Variants in SLC39A11 observed in about 807,000 individuals in gnomAD.
SLC39A11 encodes zinc transporter ZIP11.
In SLC39A11, 33 loss-of-function variants were observed where a neutral mutation model predicts 36.1. The observed-to-expected ratio is 0.91, with a 90% CI of 0.69 to 1.22. SLC39A11 has a LOEUF of 1.22. SLC39A11 is among the 50% of genes most tolerant of loss of function. The pLI is 0.00. For synonymous variants in SLC39A11, 166 were observed against 170.3 expected, an observed-to-expected ratio of 0.97 and a Z score of 0.20; for missense variants, 432 against 430.3, an observed-to-expected ratio of 1.00 and a Z score of -0.03.
At chr17:73,084,771 G>A (rs373461099) in intron 3 of SLC39A11, 37 bp downstream of exon 3, 3 of 1,610,224 alleles carry the variant, frequency 1.9e-6, no homozygotes, top group African/African-American at 2.7e-5. Flanking sequence ...GAATCAGTAT[G>A]CCTCAATTTC....
chr17:72,965,718 G>C (rs954317175), intron 4 of SLC39A11, among the ~76,000 whole-genome samples: 1 of 152,276 alleles, frequency 6.6e-6, no homozygotes. Context: ...AAGGAAGGAG[G>C]TGAGGCTTAA....
intron 6 of SLC39A11, among the ~76,000 whole-genome samples, chr17:72,835,077 G>A (rs1264803787): frequency 6.6e-6 from 1 of 152,228 alleles, no homozygotes; most frequent in African/African-American, 2.4e-5. Flanking sequence ...ATCCAACAGC[G>A]TCATTTAGAA....
intron 7 of SLC39A11, among the ~76,000 whole-genome samples, chr17:72,712,521 C>T (rs1189276831): frequency 1.3e-5 from 2 of 152,166 alleles, no homozygotes; most frequent in Admixed American, 6.5e-5. Flanking sequence ...GGAGAGAACA[C>T]TTGCAGGATG....
intron 7 of SLC39A11, among the ~76,000 whole-genome samples, chr17:72,696,954 G>A (rs1314283440): frequency 6.6e-6 from 1 of 152,190 alleles, no homozygotes. Context: ...GCCCGAGACT[G>A]CTGATTATGT....
chr17:72,909,369 C>T (rs950816007), intron 5 of SLC39A11, among the ~76,000 whole-genome samples: 1 of 152,334 alleles, frequency 6.6e-6, no homozygotes, highest in East Asian at 1.9e-4. Context: ...GGGTCTTGCA[C>T]TTCAGAAACA....
intron 6 of SLC39A11, among the ~76,000 whole-genome samples, chr17:72,787,069 C>T (rs1185870973): frequency 1.3e-5 from 2 of 152,082 alleles, no homozygotes; most frequent in African/African-American, 4.8e-5. Flanking sequence ...ATCTGCCCTC[C>T]TCAGCCTCCC....
chr17:72,656,343 G>A (rs1048962400), intron 7 of SLC39A11, among the ~76,000 whole-genome samples: 4 of 152,060 alleles, frequency 2.6e-5, no homozygotes, highest in Non-Finnish European at 4.4e-5. Flanking sequence ...AAAAGAAACC[G>A]CAGGCTGTCC....
chr17:72,842,078 ATGTGTG>A (rs61185081), intron 6 of SLC39A11, among the ~76,000 whole-genome samples: 4 of 148,782 alleles, frequency 2.7e-5, no homozygotes, highest in Admixed American at 6.7e-5. Context: ...TCAAAAAACT[ATGTGTG>A]TGTGTGTGTG....
chr17:72,821,421 G>A (rs769301838), intron 6 of SLC39A11, among the ~76,000 whole-genome samples: 3 of 142,264 alleles, frequency 2.1e-5, no homozygotes, highest in Admixed American at 1.5e-4. Flanking sequence ...CACAAGAACC[G>A]ATTGAACTCA....
intron 4 of SLC39A11, among the ~76,000 whole-genome samples, chr17:73,026,599 A>G (rs2058566219): frequency 6.6e-6 from 1 of 151,988 alleles, no homozygotes; most frequent in Admixed American, 6.6e-5. Flanking sequence ...TACCCGCTAA[A>G]CTGGTAACAA....
rs1194527707 is a variant in SLC39A11 at position 72,922,990 on chromosome 17, A to C, written c.430+24762T>G. The stretch of plus-strand genomic sequence containing the variant: ...AAAAAAAAAAAAAAAAAAAAAAAAA[A>C]CACACAGAAAATACGAAACCCCCTC... On this transcript the variant is annotated intron_variant, in intron 5 of 9. Coordinates refer to ENST00000255559, the MANE Select transcript of SLC39A11 (RefSeq NM_139177.4). 3.6e-4 allele frequency among the ~76,000 whole-genome samples: 42 copies of C among 117,438 alleles called. 1 individual carries two copies. The highest frequency in any genetic ancestry group is 1.1e-3 in the African/African-American group (39 of 34,762). 77.0% of individuals were successfully genotyped at this position (117,438 alleles called of 152,430 possible).
intron 4 of SLC39A11, among the ~76,000 whole-genome samples, chr17:73,027,197 C>A (rs928119809): frequency 2.6e-5 from 4 of 152,220 alleles, no homozygotes; most frequent in Non-Finnish European, 2.9e-5. Flanking sequence ...AGAAGCACAA[C>A]TGCAAAATCA....
Position 73,007,570 on chromosome 17 carries a change from G to A in SLC39A11, c.306+23986C>T, listed in dbSNP as rs562954888. ...GTGGTTCCTGGCAGAGGGAGAACAC[G>A]AGAAAAGGCTCAAAAAGACAAACAG... On this transcript the variant is annotated intron_variant, in intron 4 of 9. Transcript: ENST00000255559. Among the ~76,000 whole-genome samples, 7 of 152,248 alleles carry A rather than the reference G, an allele frequency of 4.6e-5. No individual in the cohort carries two copies. The East Asian group carries it at 1.2e-3, about 25-fold the overall frequency.
intron 7 of SLC39A11, among the ~76,000 whole-genome samples, chr17:72,719,346 C>A (rs76528991): frequency 6.6e-6 from 1 of 152,202 alleles, no homozygotes; most frequent in African/African-American, 2.4e-5. Context: ...GGGATGGCAG[C>A]GAGGACTGAG....
intron 5 of SLC39A11, among the ~76,000 whole-genome samples, chr17:72,877,548 TCCC>T (rs2080972224): frequency 6.6e-6 from 1 of 152,016 alleles, no homozygotes; most frequent in Non-Finnish European, 1.5e-5. Flanking sequence ...CAATTACTTT[TCCC>T]CCCATTTGCT....
intron 7 of SLC39A11, among the ~76,000 whole-genome samples, chr17:72,717,463 G>C (rs1042851687): frequency 1.3e-5 from 2 of 152,088 alleles, no homozygotes; most frequent in African/African-American, 4.8e-5. Context: ...CCAGCTTCTG[G>C]TGGCCCTGGC....
intron 4 of SLC39A11, among the ~76,000 whole-genome samples, chr17:72,987,460 T>C (rs2088844241): frequency 6.6e-6 from 1 of 152,114 alleles, no homozygotes; most frequent in Non-Finnish European, 1.5e-5. Context: ...GTTCCTGGAT[T>C]TGTGACAGAA....
intron 5 of SLC39A11, among the ~76,000 whole-genome samples, chr17:72,905,105 G>A (rs150461541): frequency 0.014 from 1,943 of 142,934 alleles, 51 homozygotes; most frequent in African/African-American, 0.045. Context: ...CCCGGGAAGC[G>A]GAGCTTGCAG....
intron 6 of SLC39A11, among the ~76,000 whole-genome samples, chr17:72,800,502 G>C (rs1192140636): frequency 6.6e-6 from 1 of 151,820 alleles, no homozygotes; most frequent in Non-Finnish European, 1.5e-5. Context: ...GTAGAGACGG[G>C]GTTTCGCCAC....
Sources: gnomAD v4.1 joint callset for allele counts (sites outside exome capture counted in the v4.1 genomes callset) on GRCh38, gnomAD v4.1.1 for gene constraint, MANE v1.5 for transcripts, NCBI Gene and HGNC (gene_info 2026-07-23, HGNC 2026-07-21) for gene names.